Variants in TP53I3 observed in about 807,000 individuals in gnomAD.
The protein encoded by TP53I3 is quinone oxidoreductase PIG3.
Under a neutral mutation model 27.7 loss-of-function variants are expected in TP53I3, and 32 were observed. The observed-to-expected ratio is 1.16, with a 90% CI of 0.87 to 1.55. The LOEUF is 1.55. Among genes scored for constraint, TP53I3 ranks in the 40% most tolerant of loss-of-function variants. The pLI is 0.00. For missense variants in TP53I3, 372 were observed against 412.3 expected (o/e 0.90, Z 0.85); for synonymous variants, 138 against 167.8 (o/e 0.82, Z 1.37).
Position 24,081,246 on chromosome 2 carries a change from A to T in TP53I3, c.407-215T>A, listed in dbSNP as rs1024938778. Among the ~76,000 whole-genome samples, 5 of 152,348 alleles carry T rather than the reference A, an allele frequency of 3.3e-5. No individual in the cohort carries two copies. The East Asian group carries it at 9.6e-4, about 29-fold the overall frequency. On this transcript the variant is annotated intron_variant, in intron 2 of 4. Coordinates refer to ENST00000238721, the MANE Select transcript of TP53I3 (RefSeq NM_004881.5). ...TGTTCTTTGGAGAAAGAAAAAGAGC[A>T]TATTGACGACCTTTTCTGTCTTATT...
chr2:24,083,226 C>A, intron 1 of TP53I3, 74 bp from the exon 2 acceptor site: 1 of 1,465,286 alleles, frequency 6.8e-7, no homozygotes, highest in Non-Finnish European at 9.1e-7. Flanking sequence ...GCCCCCCTTC[C>A]AAGATCCCCT....
rs1008550800 is a variant in TP53I3 at position 24,084,012 on chromosome 2, C to T, written c.138+177G>A. On this transcript the variant is annotated intron_variant, in intron 1 of 4. Transcript: ENST00000238721. The surrounding 1 kb of genome is among the most constrained non-coding windows in gnomAD (Gnocchi z 8.4). ...GTGGATTCTGCTTTACAAGTACTCCCCCTTGTTTTGCATGAACAAAGAGGG... is the reference window on the plus strand; with the variant it reads ...GTGGATTCTGCTTTACAAGTACTCCTCCTTGTTTTGCATGAACAAAGAGGG... Among the ~76,000 whole-genome samples, 2 of 152,256 alleles carry T rather than the reference C, an allele frequency of 1.3e-5. No homozygotes were observed. Among genetic ancestry groups the T allele is most frequent in the African/African-American group, 4.8e-5 (2 of 41,560 alleles).
In TP53I3 at chr2:24,081,008, C is replaced by G; in HGVS notation, c.430G>C (p.Val144Leu). 1 of 1,614,108 alleles carries G rather than the reference C, an allele frequency of 6.2e-7. No homozygotes were observed. The highest frequency in any genetic ancestry group is 8.5e-7 in the Non-Finnish European group (1 of 1,179,958). Residue 144 changes from valine (V) to leucine (L), a missense_variant, in exon 3 of 5, where the codon GTG becomes CTG. Coordinates refer to ENST00000238721, the MANE Select transcript of TP53I3 (RefSeq NM_004881.5). ...LVGNVQAGDYVLIHAGLSGVG... is the reference protein window; with the variant it reads ...LVGNVQAGDYLLIHAGLSGVG... ...CCACTCAGTCCTGCATGGATTAGCACATAGTCTCCAGCCTGAACATTTCCT... is the reference window on the plus strand; with the variant it reads ...CCACTCAGTCCTGCATGGATTAGCAGATAGTCTCCAGCCTGAACATTTCCT...
At chr2:24,079,376 C>T (rs2303287) in intron 4 of TP53I3, 68 bp downstream of exon 4, 278,787 of 1,522,176 alleles carry the variant, frequency 0.18, 27,565 homozygotes, top group South Asian at 0.2. Flanking sequence ...CTTCCTTTCT[C>T]GGGGTAATGT....
At chr2:24,081,999 CTTTCTT>C (rs1187647407) in intron 2 of TP53I3, among the ~76,000 whole-genome samples, 1 of 150,178 alleles carries the variant, frequency 6.7e-6, no homozygotes, top group Non-Finnish European at 1.5e-5. Context: ...CCAGCCTACT[CTTTCTT>C]TTTCTTTGAG....
chr2:24,079,942 A>G (rs989104041), intron 3 of TP53I3, among the ~76,000 whole-genome samples: 1 of 152,188 alleles, frequency 6.6e-6, no homozygotes, highest in South Asian at 2.1e-4. Flanking sequence ...CACGATTGAG[A>G]ACAGAATACA....
In TP53I3 at chr2:24,080,684, A is replaced by T. The variant is rs1664957297; in HGVS notation, c.619+135T>A. The T allele has an allele frequency of 1.1e-6, 1 of 945,442 alleles. No homozygotes were observed. The highest frequency in any genetic ancestry group is 1.6e-5 in the African/African-American group (1 of 60,994). The allele number at this position is 945,442 out of a possible 1,614,324, so 58.6% of individuals were successfully genotyped here. On this transcript the variant is annotated intron_variant, in intron 3 of 4. Coordinates refer to ENST00000238721, the MANE Select transcript of TP53I3 (RefSeq NM_004881.5). This position sits in a 1 kb window ranked among gnomAD's most constrained non-coding sequence, Gnocchi z 4.7. ...TCCAGTGGTCAAATACCATAGTACT[A>T]GAATTTGGCCAGGGCAGCTGTTGTG...
chr2:24,081,379 C>T (rs1181464975), intron 2 of TP53I3, among the ~76,000 whole-genome samples: 7 of 151,902 alleles, frequency 4.6e-5, no homozygotes, highest in Admixed American at 4.6e-4. Context: ...TGACCTACAC[C>T]TGAATAAGTA....
chr2:24,084,374 GGCAGGGCAGGACAGGA>G lies in TP53I3; in HGVS notation c.-64_-49del, dbSNP rs777226775. 4 of 1,391,918 alleles carry G rather than the reference GGCAGGGCAGGACAGGA, an allele frequency of 2.9e-6. No homozygotes were observed. The African/African-American group carries it at 5.6e-5, about 19-fold the overall frequency. The allele number at this position is 1,391,918 out of a possible 1,614,324, so 86.2% of individuals were successfully genotyped here. A position where few individuals can be genotyped will look rare whatever the true frequency, so the allele number is the denominator to read the frequency against. On this transcript the variant is annotated 5_prime_UTR_variant, in exon 1 of 5. Coordinates refer to ENST00000238721, the MANE Select transcript of TP53I3 (RefSeq NM_004881.5). The surrounding 1 kb of genome is among the most constrained non-coding windows in gnomAD (Gnocchi z 8.4). ...GGCAGGGCAGGACAGGACAGGGCAG[GGCAGGGCAGGACAGGA>G]CAGGGCAGGGCAGGACAGGACAGGG... is the stretch of plus-strand genomic sequence containing the variant.
Position 24,077,750 on chromosome 2 carries a change from C to A in TP53I3, c.828G>T (p.Met276Ile). Reference sequence around the variant, plus strand: ...TTTGCTCCGTGAAAGCATTCACCAGCATTTGCTTGTACTAAGACAAGGGAA... The same window carrying A: ...TTTGCTCCGTGAAAGCATTCACCAGAATTTGCTTGTACTAAGACAAGGGAA... ...LRSRDNKYKQ[M>I]LVNAFTEQIL... is the part of the protein sequence containing the mutation. Residue 276 changes from methionine (M) to isoleucine (I), a missense_variant, in exon 5 of 5, where the codon ATG becomes ATT. Transcript: ENST00000238721. This position sits in a 1 kb window ranked among gnomAD's most constrained non-coding sequence, Gnocchi z 5.5. 1 of 1,613,436 alleles carries A rather than the reference C, an allele frequency of 6.2e-7. No individual in the cohort carries two copies. Among genetic ancestry groups the A allele is most frequent in the Non-Finnish European group, 8.5e-7 (1 of 1,179,580 alleles).
At position 24,084,385 on chromosome 2, in the gene TP53I3, ACAGGACAGGGCAGGG is replaced by A. The variant is rs1553325154; in HGVS notation, c.-74_-60del. On this transcript the variant is annotated 5_prime_UTR_variant, in exon 1 of 5. Transcript: ENST00000238721. This position sits in a 1 kb window ranked among gnomAD's most constrained non-coding sequence, Gnocchi z 8.4. ...ACAGGACAGGGCAGGGCAGGGCAGG[ACAGGACAGGGCAGGG>A]CAGGACAGGACAGGGCAGGGGCCGC... is the stretch of plus-strand genomic sequence containing the variant. The A allele has an allele frequency of 4.5e-6, 6 of 1,330,354 alleles. No individual in the cohort carries two copies. In the East Asian group the frequency reaches 7.0e-5, roughly 15 times the overall value. 82.4% of individuals were successfully genotyped at this position (1,330,354 alleles called of 1,614,324 possible). A position where few individuals can be genotyped will look rare whatever the true frequency, so the allele number is the denominator to read the frequency against.
At chr2:24,083,260 T>A in intron 1 of TP53I3, 108 bp from the exon 2 acceptor site, 1 of 1,430,738 alleles carries the variant, frequency 7.0e-7, no homozygotes, top group Non-Finnish European at 9.4e-7. Flanking sequence ...AAAATAAATT[T>A]CAGAATGAAG....
Position 24,084,381 on chromosome 2 carries a change from C to A in TP53I3, c.-55G>T. 7.5e-7 allele frequency: 1 copy of A among 1,341,106 alleles called. No individual in the cohort carries two copies. The allele number at this position is 1,341,106 out of a possible 1,614,324, so 83.1% of individuals were successfully genotyped here. On this transcript the variant is annotated 5_prime_UTR_variant, in exon 1 of 5. Coordinates refer to ENST00000238721, the MANE Select transcript of TP53I3 (RefSeq NM_004881.5). The surrounding 1 kb of genome is among the most constrained non-coding windows in gnomAD (Gnocchi z 8.4). Reference sequence around the variant, plus strand: ...CAGGACAGGACAGGGCAGGGCAGGGCAGGACAGGACAGGGCAGGGCAGGAC... The same window carrying A: ...CAGGACAGGACAGGGCAGGGCAGGGAAGGACAGGACAGGGCAGGGCAGGAC...
At chr2:24,079,413 A>G in intron 4 of TP53I3, 31 bp downstream of exon 4, 1 of 1,609,654 alleles carries the variant, frequency 6.2e-7, no homozygotes, top group Non-Finnish European at 8.5e-7. Flanking sequence ...TCTGGGTTAA[A>G]TCACATGTTT....
intron 2 of TP53I3, among the ~76,000 whole-genome samples, 195 bp downstream of exon 2, chr2:24,082,690 T>G (rs1355001531): frequency 6.6e-6 from 1 of 152,166 alleles, no homozygotes; most frequent in Admixed American, 6.5e-5. Flanking sequence ...CTATCTAGTG[T>G]TATCCAGACC....
chr2:24,084,457 TG>T lies in TP53I3; in HGVS notation c.-132del. ...CTCGCGGAGCAGCCCAGCCTCAGGC[TG>T]GCACCGCAGCGCCCCCTGCCGGCCA... On this transcript the variant is annotated 5_prime_UTR_variant, in exon 1 of 5. Transcript: ENST00000238721. The surrounding 1 kb of genome is among the most constrained non-coding windows in gnomAD (Gnocchi z 8.4). The T allele has an allele frequency of 8.3e-7, 1 of 1,206,726 alleles. No individual in the cohort carries two copies. Among genetic ancestry groups the T allele is most frequent in the Non-Finnish European group, 1.1e-6 (1 of 916,984 alleles). 74.8% of individuals were successfully genotyped at this position (1,206,726 alleles called of 1,614,324 possible). A position where few individuals can be genotyped will look rare whatever the true frequency, so the allele number is the denominator to read the frequency against.
chr2:24,083,287 AAGG>A (rs1031101374), intron 1 of TP53I3, 135 bp from the exon 2 acceptor site: 1 of 1,180,768 alleles, frequency 8.5e-7, no homozygotes, highest in East Asian at 2.5e-5. Context: ...TTTTGTAAGT[AAGG>A]AGAAGAAAAA....
Position 24,083,125 on chromosome 2 carries a change from C to G in TP53I3, c.166G>C (p.Gly56Arg), listed in dbSNP as rs1384140263. The change falls in exon 2 of 5, where the codon GGA becomes CGA. Residue 56 changes from glycine (G) to arginine (R), a missense_variant. Gly to Arg is a moderately radical substitution (Grantham distance 125). Coordinates refer to ENST00000238721, the MANE Select transcript of TP53I3 (RefSeq NM_004881.5). ...TCAAGTCCCAAAATGTTGCTGGCTC[C>G]TGGAGGTGGGTCATACTGGCCTTGT... Reference protein sequence around the residue: ...QRQGQYDPPPGASNILGLEAS... With the variant: ...QRQGQYDPPPRASNILGLEAS... 12 of 1,613,276 alleles carry G rather than the reference C, an allele frequency of 7.4e-6. No homozygotes were observed. The highest frequency in any genetic ancestry group is 1.1e-5 in the South Asian group (1 of 90,938).
At position 24,084,729 on chromosome 2, in the gene TP53I3, AC is replaced by A. The variant is rs1342858516; in HGVS notation, c.-404del. The A allele has an allele frequency of 6.2e-6, 1 of 161,032 alleles. No homozygotes were observed. The highest frequency in any genetic ancestry group is 1.3e-5 in the Non-Finnish European group (1 of 74,618). 10.0% of individuals were successfully genotyped at this position (161,032 alleles called of 1,614,324 possible). ...TCCCCGGCGCCCGTATGAGTTACTT[AC>A]TCCTGGCCCGGCTCCCCTCCCATGC... is the stretch of plus-strand genomic sequence containing the variant. On this transcript the variant is annotated 5_prime_UTR_variant, in exon 1 of 5. The change abolishes the stop of an existing upstream ORF in the 5' untranslated region. Coordinates refer to ENST00000238721, the MANE Select transcript of TP53I3 (RefSeq NM_004881.5). This position sits in a 1 kb window ranked among gnomAD's most constrained non-coding sequence, Gnocchi z 8.4.
Sources: gnomAD v4.1 joint callset for allele counts (sites outside exome capture counted in the v4.1 genomes callset) on GRCh38, gnomAD v4.1.1 for gene constraint, Gnocchi (gnomAD v3.1) non-coding constraint, MANE v1.5 for transcripts, NCBI Gene and HGNC (gene_info 2026-07-23, HGNC 2026-07-21) for gene names.